The following HIVEP3 variants were observed in gnomAD, a reference collection of about 807,000 sequenced individuals.
HIVEP3 encodes the protein HIVEP zinc finger 3.
Under a neutral mutation model 152.8 loss-of-function variants are expected in HIVEP3, and 49 were observed. That is an observed-to-expected ratio of 0.32 (90% CI 0.26 to 0.41). HIVEP3 has a LOEUF of 0.41. Among genes scored for constraint, HIVEP3 ranks in the 10% least tolerant of loss-of-function variants. HIVEP3 has a pLI of 1.00. For missense variants in HIVEP3, 2,790 were observed against 3,103.3 expected (o/e 0.90, Z 2.40); for synonymous variants, 1,269 against 1,289.0 (o/e 0.98, Z 0.33).
intron 1 of HIVEP3, among the ~76,000 whole-genome samples, chr1:41,772,539 A>G (rs983123684): frequency 6.6e-6 from 1 of 152,210 alleles, no homozygotes; most frequent in Non-Finnish European, 1.5e-5. Context: ...CTAACAGTGA[A>G]GAAAAAGGTG....
chr1:41,847,716 C>G (rs1054555961), intron 1 of HIVEP3: 2 of 152,318 alleles, frequency 1.3e-5, no homozygotes, highest in Non-Finnish European at 2.9e-5. Context: ...GCCTCCTTCA[C>G]GGCCACCTTC....
At chr1:41,956,833 G>A (rs1019878850) in intron 1 of HIVEP3, among the ~76,000 whole-genome samples, 2 of 152,138 alleles carry the variant, frequency 1.3e-5, no homozygotes, top group Non-Finnish European at 1.5e-5. Context: ...AGGAGAAGGA[G>A]TTGGAAGGTG....
At chr1:41,617,290 T>C (rs957295763) in intron 3 of HIVEP3, among the ~76,000 whole-genome samples, 1 of 152,236 alleles carries the variant, frequency 6.6e-6, no homozygotes, top group African/African-American at 2.4e-5. Flanking sequence ...AGTGGAAACA[T>C]GGATCAATGT....
rs1321655833 is a variant in HIVEP3 at position 41,549,857 on chromosome 1, G to C, written c.5208-24947C>G. On this transcript the variant is annotated intron_variant, in intron 5 of 8. Transcript: ENST00000372583. ...CACTCTGATGGTAGTTTCTTTTGCC[G>C]TGCAGAAGCTCTTTAGTTTAATTAG... Among the ~76,000 whole-genome samples, 12 of 152,198 alleles carry C rather than the reference G, an allele frequency of 7.9e-5. No homozygotes were observed. In the South Asian group the frequency reaches 2.5e-3, roughly 32 times the overall value.
In HIVEP3 at chr1:41,583,089, G is replaced by T. The variant is rs766141491; in HGVS notation, c.1709C>A (p.Ser570Tyr). 6.2e-7 allele frequency: 1 copy of T among 1,613,776 alleles called. No homozygotes were observed. The highest frequency in any genetic ancestry group is 1.1e-5 in the South Asian group (1 of 91,052). ...SYSFDDHITD[S>Y]EALSHSSHVF... is the part of the protein sequence containing the mutation. The stretch of plus-strand genomic sequence containing the variant: ...GTGACTGCTGTGGCTCAGGGCTTCG[G>T]AGTCGGTGATATGGTCATCGAAGGA... Residue 570 changes from serine to tyrosine, a missense_variant, in exon 4 of 9, where the codon TCC becomes TAC. By Grantham distance (144) the Ser-to-Tyr change is moderately radical. Around this residue, in one of 9 missense-constraint regions of HIVEP3, gnomAD observed 339 missense variants for 327.0 expected, o/e 1.04. Transcript: ENST00000372583. This position sits in a 1 kb window ranked among gnomAD's most constrained non-coding sequence, Gnocchi z 6.9.
upstream of HIVEP3, among the ~76,000 whole-genome samples, chr1:41,920,591 G>GTT (rs370449692): frequency 1.4e-4 from 16 of 115,970 alleles, no homozygotes; most frequent in African/African-American, 5.3e-4. Context: ...TTTTTTTTTT[G>GTT]TTTTGTTTTT....
At chr1:41,963,673 A>AT (rs1346870990) in intron 1 of HIVEP3, among the ~76,000 whole-genome samples, 2 of 152,192 alleles carry the variant, frequency 1.3e-5, no homozygotes, top group Non-Finnish European at 2.9e-5. Context: ...TTAAAGTATA[A>AT]TAAAAAAAAA....
chr1:41,955,965 G>A (rs1645138438), intron 1 of HIVEP3, among the ~76,000 whole-genome samples: 2 of 152,232 alleles, frequency 1.3e-5, no homozygotes, highest in South Asian at 2.1e-4. Context: ...ATAGAGAGGC[G>A]AGCTGGGACC....
At chr1:42,016,257 G>A (rs774296140) in intron 1 of HIVEP3, among the ~76,000 whole-genome samples, 41 of 152,072 alleles carry the variant, frequency 2.7e-4, no homozygotes, top group Non-Finnish European at 5.0e-4. Context: ...TCTGTGTTCT[G>A]TATACAAACG....
intron 1 of HIVEP3, among the ~76,000 whole-genome samples, chr1:41,740,117 CA>C (rs1646974989): frequency 6.6e-6 from 1 of 152,230 alleles, no homozygotes; most frequent in African/African-American, 2.4e-5. Context: ...CAGGTCTCCC[CA>C]TACTCAACCT....
rs1029845833 is a variant in HIVEP3, at chr1:41,580,543, C to T, written c.4255G>A (p.Glu1419Lys). Residue 1419 changes from glutamate to lysine, a missense_variant, in exon 4 of 9, where the codon GAG becomes AAG. Coordinates refer to ENST00000372583, the MANE Select transcript of HIVEP3 (RefSeq NM_024503.5). ...SLSSESILSL[E>K]GSSSTAGGSK... ...CCCCCTGCTGTTGATGAACTCCCCT[C>T]CAGGCTCAAGATACTCTCTGATGAC... 1 of 1,614,238 alleles carries T rather than the reference C, an allele frequency of 6.2e-7. No individual in the cohort carries two copies. The highest frequency in any genetic ancestry group is 8.5e-7 in the Non-Finnish European group (1 of 1,180,040).
intron 1 of HIVEP3, among the ~76,000 whole-genome samples, chr1:41,955,902 G>T (rs1372667426): frequency 6.6e-6 from 1 of 152,196 alleles, no homozygotes; most frequent in Non-Finnish European, 1.5e-5. Context: ...AGTTATTTCT[G>T]GGGAAGATCT....
chr1:41,659,031 T>C (rs1480021094), intron 2 of HIVEP3, among the ~76,000 whole-genome samples: 1 of 152,152 alleles, frequency 6.6e-6, no homozygotes, highest in Non-Finnish European at 1.5e-5. Flanking sequence ...TGGGCTTTAG[T>C]GATTGAACCA....
chr1:41,824,629 C>G (rs1642704208), intron 1 of HIVEP3, among the ~76,000 whole-genome samples: 1 of 151,556 alleles, frequency 6.6e-6, no homozygotes, highest in Non-Finnish European at 1.5e-5. Flanking sequence ...CTGATCTATA[C>G]TGTTTTTCGT....
intron 5 of HIVEP3, among the ~76,000 whole-genome samples, chr1:41,534,637 G>C (rs1643353057): frequency 6.6e-6 from 1 of 152,180 alleles, no homozygotes; most frequent in Admixed American, 6.5e-5. Flanking sequence ...TCATTTGTCA[G>C]GACATCCCCA....
At chr1:41,986,574 G>A (rs1157674179) in intron 1 of HIVEP3, among the ~76,000 whole-genome samples, 2 of 151,762 alleles carry the variant, frequency 1.3e-5, no homozygotes, top group Non-Finnish European at 2.9e-5. Flanking sequence ...CCAAGTAGCT[G>A]GAAATACAGG....
At chr1:41,544,539 A>C (rs1326417295) in intron 5 of HIVEP3, among the ~76,000 whole-genome samples, 1 of 151,596 alleles carries the variant, frequency 6.6e-6, no homozygotes, top group Non-Finnish European at 1.5e-5. Context: ...CTCCACAGCA[A>C]ACCCTCACCA....
chr1:41,661,345 T>C (rs138214286), intron 2 of HIVEP3, among the ~76,000 whole-genome samples: 1 of 152,362 alleles, frequency 6.6e-6, no homozygotes, highest in Non-Finnish European at 1.5e-5. Context: ...GCACCTGTTT[T>C]GCAGCCACCA....
chr1:41,999,795 T>C (rs1050570061), intron 1 of HIVEP3, among the ~76,000 whole-genome samples: 3 of 151,762 alleles, frequency 2.0e-5, no homozygotes, highest in African/African-American at 7.3e-5. Context: ...AAGTCCAATA[T>C]GAATGGTTCC....
Sources: allele counts gnomAD v4.1 joint callset (sites outside exome capture counted in the v4.1 genomes callset), GRCh38; gene constraint gnomAD v4.1.1; regional missense constraint gnomAD v4.1.1; non-coding constraint Gnocchi (gnomAD v3.1); transcripts MANE v1.5; gene names NCBI Gene and HGNC (gene_info 2026-07-23, HGNC 2026-07-21).